Variants in GIMAP5 observed in about 807,000 individuals in gnomAD.
The protein encoded by GIMAP5 is GTPase, IMAP family member 5, also known as GTPase IMAP family member 5.
In GIMAP5, 8 loss-of-function variants were observed where a neutral mutation model predicts 9.9. That is an observed-to-expected ratio of 0.81 (90% CI 0.47 to 1.45). The LOEUF is 1.45. GIMAP5 is among the 40% of genes most tolerant of loss of function. GIMAP5 has a pLI of 0.00. For synonymous variants in GIMAP5, 174 were observed against 151.4 expected (o/e 1.15, Z -1.09); for missense variants, 353 against 367.4 (o/e 0.96, Z 0.32).
rs1415592047 is a variant in GIMAP5 at position 150,742,997 on chromosome 7, T to C, written c.858T>C (p.Phe286=). 2 of 1,614,040 alleles carry C rather than the reference T, an allele frequency of 1.2e-6. No homozygotes were observed. The highest frequency in any genetic ancestry group is 1.7e-6 in the Non-Finnish European group (2 of 1,179,958). ...TGATGCTTTTGCATTATGAGATTTT[T>C]GTTTTTCTATTGTTGTGCAGCATAC... ...KHLMLLHYEI[F]VFLLLCSILF... Residue 286 remains phenylalanine (F), a synonymous_variant, in exon 3 of 3, where the codon TTT becomes TTC. Transcript: ENST00000358647.
rs752925970 is a variant in GIMAP5, at chr7:150,743,029, T to G, written c.890T>G (p.Phe297Cys). Residue 297 changes from phenylalanine to cysteine, a missense_variant, in exon 3 of 3, where the codon TTC (phenylalanine) becomes TGC (cysteine). Coordinates refer to ENST00000358647, the MANE Select transcript of GIMAP5 (RefSeq NM_018384.5). The stretch of plus-strand genomic sequence containing the variant: ...CTATTGTTGTGCAGCATACTTTTTT[T>G]CATTATTTTTCTGTTCATCTTTCAT... ...VFLLLCSILFFIIFLFIFHYI is the reference protein window; with the variant it reads ...VFLLLCSILFCIIFLFIFHYI 14 of 1,610,944 alleles carry G rather than the reference T, an allele frequency of 8.7e-6. No homozygotes were observed. The highest frequency in any genetic ancestry group is 1.2e-5 in the Non-Finnish European group (14 of 1,177,956).
intron 2 of GIMAP5, among the ~76,000 whole-genome samples, 187 bp from the exon 3 acceptor site, chr7:150,741,996 T>A (rs2116578583): frequency 6.6e-6 from 1 of 152,338 alleles, no homozygotes; most frequent in African/African-American, 2.4e-5. Flanking sequence ...GATCCAAGCA[T>A]GGGCTTCCAA....
At chr7:150,740,964 C>T (rs74162070) in intron 2 of GIMAP5, 37 bp downstream of exon 2, 10 of 1,610,996 alleles carry the variant, frequency 6.2e-6, no homozygotes, top group Non-Finnish European at 8.5e-6. Context: ...GCCCCAGACA[C>T]TTGGGAGAAT....
chr7:150,740,398 G>A (rs767369476), intron 1 of GIMAP5: 13 of 160,572 alleles, frequency 8.1e-5, no homozygotes, highest in East Asian at 3.7e-4. Flanking sequence ...CCTCTCCGCC[G>A]CTGGAATGTC....
intron 2 of GIMAP5, among the ~76,000 whole-genome samples, chr7:150,741,708 G>A (rs111240942): frequency 2.6e-5 from 4 of 152,340 alleles, no homozygotes; most frequent in African/African-American, 9.6e-5. Flanking sequence ...AGATTTGCCA[G>A]TGGAGACCTC....
chr7:150,739,614 C>T (rs781108006), intron 1 of GIMAP5: 2 of 152,174 alleles, frequency 1.3e-5, no homozygotes, highest in South Asian at 4.2e-4. Flanking sequence ...GGAACTGGTG[C>T]TATTTTAGCA....
intron 1 of GIMAP5, 99 bp downstream of exon 1, chr7:150,737,807 C>A: frequency 2.0e-6 from 2 of 988,190 alleles, no homozygotes; most frequent in South Asian, 1.5e-5. Flanking sequence ...TGCACAGATC[C>A]CCTCACTTCT....
chr7:150,738,367 C>T (rs1797547191), intron 1 of GIMAP5: 1 of 152,692 alleles, frequency 6.5e-6, no homozygotes, highest in East Asian at 1.9e-4. Flanking sequence ...CACACCAAAC[C>T]GCAAAACACA....
intron 1 of GIMAP5, 98 bp downstream of exon 1, chr7:150,737,806 C>A: frequency 1.0e-6 from 1 of 986,876 alleles, no homozygotes; most frequent in Non-Finnish European, 1.5e-6. Context: ...TTGCACAGAT[C>A]CCCTCACTTC....
Position 150,742,385 on chromosome 7 carries a change from C to T in GIMAP5, c.246C>T (p.Asp82=), listed in dbSNP as rs1425860609. 6.2e-7 allele frequency: 1 copy of T among 1,614,144 alleles called. No homozygotes were observed. The highest frequency in any genetic ancestry group is 1.7e-5 in the Admixed American group (1 of 60,018). ...ACGGGAGGAAAGTCCTGGTGGTTGA[C>T]ACGCCCTCCATCTTTGAGTCACAGG... The part of the protein sequence containing the change: ...TWNGRKVLVV[D]TPSIFESQAD... Residue 82 remains aspartate (D), a synonymous_variant, in exon 3 of 3, where the codon GAC becomes GAT. Coordinates refer to ENST00000358647, the MANE Select transcript of GIMAP5 (RefSeq NM_018384.5).
intron 2 of GIMAP5, among the ~76,000 whole-genome samples, chr7:150,741,648 A>T (rs1338918874): frequency 6.6e-6 from 1 of 152,196 alleles, no homozygotes; most frequent in Non-Finnish European, 1.5e-5. Flanking sequence ...CCCTATCCAG[A>T]GGGCACAGAC....
chr7:150,737,653 C>A lies in GIMAP5; in HGVS notation c.-62C>A. 1.3e-6 allele frequency: 2 copies of A among 1,535,686 alleles called. No homozygotes were observed. The highest frequency in any genetic ancestry group is 1.7e-6 in the Non-Finnish European group (2 of 1,146,896). ...CTTCACCTTCCTGAGAGAGGACCAG[C>A]GGCCAGAGCCTCAGTGACTGCCACC... is the stretch of plus-strand genomic sequence containing the variant. On this transcript the variant is annotated 5_prime_UTR_variant, in exon 1 of 3. Transcript: ENST00000358647.
intron 2 of GIMAP5, among the ~76,000 whole-genome samples, chr7:150,741,319 AC>A (rs1797591294): frequency 1.3e-5 from 2 of 152,324 alleles, no homozygotes; most frequent in Non-Finnish European, 1.5e-5. Flanking sequence ...CGAAGAACCA[AC>A]CCAGAGTGGG....
At chr7:150,742,031 A>G in intron 2 of GIMAP5, 152 bp from the exon 3 acceptor site, 1 of 922,052 alleles carries the variant, frequency 1.1e-6, no homozygotes, top group Non-Finnish European at 1.6e-6. Flanking sequence ...TGCAAGATTC[A>G]CCTATAGTTG....
chr7:150,738,385 A>G (rs9657891), intron 1 of GIMAP5: 74,101 of 152,262 alleles, frequency 0.49, 18,810 homozygotes, highest in African/African-American at 0.63. Context: ...ACATGATTCC[A>G]ATACCTGGAA....
chr7:150,743,232 C>T lies in GIMAP5; in HGVS notation c.*169C>T. Reference sequence around the variant, plus strand: ...GACTTGGAGCTGTGTGCCTCCACTCCAAGGCTGCCTGCCTGCTGTAAACAC... The same window carrying T: ...GACTTGGAGCTGTGTGCCTCCACTCTAAGGCTGCCTGCCTGCTGTAAACAC... On this transcript the variant is annotated 3_prime_UTR_variant, in exon 3 of 3. Coordinates refer to ENST00000358647, the MANE Select transcript of GIMAP5 (RefSeq NM_018384.5). 3.7e-6 allele frequency: 3 copies of T among 819,748 alleles called. No individual in the cohort carries two copies. The highest frequency in any genetic ancestry group is 3.7e-6 in the Non-Finnish European group (2 of 538,978). The allele number at this position is 819,748 out of a possible 1,614,324, so 50.8% of individuals were successfully genotyped here.
In GIMAP5 at chr7:150,743,057, C is replaced by T. The variant is rs1482105062; in HGVS notation, c.918C>T (p.Tyr306=). Residue 306 remains tyrosine (Y), a synonymous_variant, in exon 3 of 3, where the codon TAC becomes TAT. Transcript: ENST00000358647. ...TTATTTTTCTGTTCATCTTTCATTACATTTAAATCTCTGGACCCTGGAGCA... is the reference window on the plus strand; with the variant it reads ...TTATTTTTCTGTTCATCTTTCATTATATTTAAATCTCTGGACCCTGGAGCA... ...FFIIFLFIFH[Y]I 1.2e-6 allele frequency: 2 copies of T among 1,607,510 alleles called. No homozygotes were observed. Among genetic ancestry groups the T allele is most frequent in the Non-Finnish European group, 1.7e-6 (2 of 1,175,882 alleles).
rs1164958483 is a variant in GIMAP5, at chr7:150,742,564, C to T, written c.425C>T (p.Ala142Val). The T allele has an allele frequency of 2.5e-6, 4 of 1,614,018 alleles. No individual in the cohort carries two copies. The highest frequency in any genetic ancestry group is 3.4e-6 in the Non-Finnish European group (4 of 1,180,010). ...GTGAAAGAGGTCTTTGGGACAGGGG[C>T]CATGAGACATGTGGTCATCCTCTTC... ...RKVKEVFGTG[A>V]MRHVVILFTH... The change falls in exon 3 of 3, where the codon GCC becomes GTC. Residue 142 changes from alanine (A) to valine (V), a missense_variant. By Grantham distance (64) the Ala-to-Val change is moderately conservative. Coordinates refer to ENST00000358647, the MANE Select transcript of GIMAP5 (RefSeq NM_018384.5).
In GIMAP5 at chr7:150,742,596, A is replaced by G; in HGVS notation, c.457A>G (p.Lys153Glu). ...ACATGTGGTCATCCTCTTCACCCAC[A>G]AAGAGGACTTAGGGGGCCAGGCCCT... is the stretch of plus-strand genomic sequence containing the variant. ...MRHVVILFTHKEDLGGQALDD... is the reference protein window; with the variant it reads ...MRHVVILFTHEEDLGGQALDD... The change falls in exon 3 of 3, where the codon AAA becomes GAA. Residue 153 changes from lysine to glutamate, a missense_variant. Physicochemically the swap from Lys to Glu is moderately conservative, Grantham distance 56. Coordinates refer to ENST00000358647, the MANE Select transcript of GIMAP5 (RefSeq NM_018384.5). 1.2e-6 allele frequency: 2 copies of G among 1,614,186 alleles called. No homozygotes were observed. Among genetic ancestry groups the G allele is most frequent in the South Asian group, 2.2e-5 (2 of 91,086 alleles).
Sources: allele counts gnomAD v4.1 joint callset (sites outside exome capture counted in the v4.1 genomes callset), GRCh38; gene constraint gnomAD v4.1.1; transcripts MANE v1.5; gene names NCBI Gene and HGNC (gene_info 2026-07-23, HGNC 2026-07-21).